The following DGKQ variants were observed in gnomAD, a reference collection of about 807,000 sequenced individuals.
DGKQ encodes diacylglycerol kinase theta, also known as DAG kinase theta.
DGKQ carries 97 observed loss-of-function variants against 104.2 expected under a neutral mutation model. That is an observed-to-expected ratio of 0.93 (90% CI 0.79 to 1.10). The LOEUF is 1.10. Ranked by LOEUF, DGKQ falls within the 50% of genes least tolerant of loss-of-function variation. The pLI is 0.00. For missense variants in DGKQ, 1,465 were observed against 1,352.1 expected (o/e 1.08, Z -1.31); for synonymous variants, 736 against 595.2 (o/e 1.24, Z -3.44).
In DGKQ at chr4:966,994, C is replaced by A; in HGVS notation, c.1281G>T (p.Val427=). 1 of 1,566,374 alleles carries A rather than the reference C, an allele frequency of 6.4e-7. No individual in the cohort carries two copies. The highest frequency in any genetic ancestry group is 8.6e-7 in the Non-Finnish European group (1 of 1,158,156). The change falls in exon 10 of 23, where the codon GTG becomes GTT. Residue 427 remains valine (V), a synonymous_variant. Transcript: ENST00000273814. ...GGCCGAGCAGCGGCAGGACCTCCAG[C>A]ACCACAGAGCGGGCCGTGCTCTTCG... ...VTPKSTARSV[V]LEVLPLLGRQ...
At chr4:967,703 TGGG>T (rs1560517609) in intron 7 of DGKQ, 22 bp downstream of exon 7, 1 of 1,611,732 alleles carries the variant, frequency 6.2e-7, no homozygotes. Context: ...TCAGTGGAGT[TGGG>T]GGGAATGAGG....
intron 15 of DGKQ, 78 bp downstream of exon 15, chr4:965,098 C>T: frequency 9.2e-7 from 1 of 1,091,212 alleles, no homozygotes; most frequent in Non-Finnish European, 1.4e-6. Flanking sequence ...GGCTGTGGGG[C>T]CTGTGCACCT....
At chr4:960,824 C>T in intron 22 of DGKQ, 103 bp from the exon 23 acceptor site, 2 of 1,520,316 alleles carry the variant, frequency 1.3e-6, no homozygotes, top group Non-Finnish European at 1.8e-6. Context: ...GATGCCATCT[C>T]AGCCCCATTT....
In DGKQ at chr4:960,832, T is replaced by C. The variant is rs1711832219; in HGVS notation, c.2728-111A>G. ...GGCAGCTGATGCCATCTCAGCCCCA[T>C]TTCACGGAAGGGGAGGGACCTGTCT... On this transcript the variant is annotated intron_variant, in intron 22 of 22. Coordinates refer to ENST00000273814, the MANE Select transcript of DGKQ (RefSeq NM_001347.4). The C allele has an allele frequency of 2.3e-5, 34 of 1,505,624 alleles. No individual in the cohort carries two copies. The South Asian group carries it at 3.9e-4, about 17-fold the overall frequency. 93.3% of individuals were successfully genotyped at this position (1,505,624 alleles called of 1,614,324 possible).
chr4:963,329 G>A (rs1712034297), intron 15 of DGKQ, 39 bp from the exon 16 acceptor site: 1 of 1,567,032 alleles, frequency 6.4e-7, no homozygotes, highest in East Asian at 2.3e-5. Context: ...GGGACCCAAG[G>A]TGGGGTGTCC....
At chr4:961,314 C>T in intron 21 of DGKQ, 113 bp from the exon 22 acceptor site, 1 of 1,268,400 alleles carries the variant, frequency 7.9e-7, no homozygotes, top group African/African-American at 1.6e-5. Flanking sequence ...CCACCCTGGA[C>T]CTGGCCCTGG....
chr4:969,654 G>GGCTGGAGT (rs1422875679), intron 2 of DGKQ, among the ~76,000 whole-genome samples: 12 of 147,580 alleles, frequency 8.1e-5, no homozygotes, highest in Admixed American at 2.1e-4. Flanking sequence ...CTGTCGCCCA[G>GGCTGGAGT]GCTGGAGTGC....
intron 14 of DGKQ, 34 bp downstream of exon 14, chr4:965,457 G>A (rs770595911): frequency 6.2e-7 from 1 of 1,605,020 alleles, no homozygotes; most frequent in Non-Finnish European, 8.5e-7. Flanking sequence ...ACACCCCTGG[G>A]CCTCATGTGA....
chr4:962,824 C>G lies in DGKQ; in HGVS notation c.1983G>C (p.Arg661=). Residue 661 remains arginine, a synonymous_variant, in exon 17 of 23, where the codon CGG becomes CGC. Transcript: ENST00000273814. ...AAGGCTCCGGGCAGGCCAGTCGGTA[C>G]CGTGTCTCCTCCAGGGCGCCAAGCA... ...GWVLGALEET[R]YRLACPEPSV... is the part of the protein sequence containing the mutation. 6.2e-7 allele frequency: 1 copy of G among 1,606,548 alleles called. No individual in the cohort carries two copies.
chr4:968,753 C>T (rs1712680699), intron 3 of DGKQ, 58 bp downstream of exon 3: 2 of 1,512,714 alleles, frequency 1.3e-6, no homozygotes, highest in Admixed American at 3.8e-5. Flanking sequence ...GTGGGCTGGG[C>T]CACCCTGGGC....
In DGKQ at chr4:967,342, TG is replaced by T; in HGVS notation, c.1006del (p.His336ThrfsTer34). ...EEVLEAALRA[H>X]HIPEDPGHLE... ...GTGGCCAGGGTCCTCGGGGATGTGG[TG>T]GGCCCGCAGTGCGGCCTCCTGCAGG... On this transcript the variant is annotated frameshift_variant, in exon 9 of 23. Coordinates refer to ENST00000273814, the MANE Select transcript of DGKQ (RefSeq NM_001347.4). LOFTEE classifies it high-confidence loss of function. 6.8e-7 allele frequency: 1 copy of T among 1,477,042 alleles called. No homozygotes were observed. Among genetic ancestry groups the T allele is most frequent in the Non-Finnish European group, 9.0e-7 (1 of 1,114,154 alleles). 91.5% of individuals were successfully genotyped at this position (1,477,042 alleles called of 1,614,324 possible).
In DGKQ at chr4:962,491, C is replaced by CCAG; in HGVS notation, c.2155_2157dup (p.Leu719dup). The CCAG allele has an allele frequency of 6.2e-7, 1 of 1,608,588 alleles. No homozygotes were observed. Among genetic ancestry groups the CCAG allele is most frequent in the Non-Finnish European group, 8.5e-7 (1 of 1,179,708 alleles). On this transcript the variant is annotated inframe_insertion, in exon 18 of 23. Coordinates refer to ENST00000273814, the MANE Select transcript of DGKQ (RefSeq NM_001347.4). ...TCTGCACTGCCAGCCTCGTGGGCATCCAGCAGGATGGTCCAGCGGTCCATG... is the reference window on the plus strand; with the variant it reads ...TCTGCACTGCCAGCCTCGTGGGCATCCAGCAGCAGGATGGTCCAGCGGTCCATG...
At position 961,744 on chromosome 4, in the gene DGKQ, C is replaced by T. The variant is rs372556836; in HGVS notation, c.2406G>A (p.Glu802=). Residue 802 remains glutamate (E), a synonymous_variant, in exon 20 of 23, where the codon GAG becomes GAA. Coordinates refer to ENST00000273814, the MANE Select transcript of DGKQ (RefSeq NM_001347.4). ...SLHKQIRLQV[E]RQEVELPSIE... is the part of the protein sequence containing the mutation. ...TACTGGGCAGCTCCACCTCCTGCCGCTCCACCTGCAGCCGGATCTGCTTGT... is the reference window on the plus strand; with the variant it reads ...TACTGGGCAGCTCCACCTCCTGCCGTTCCACCTGCAGCCGGATCTGCTTGT... The T allele has an allele frequency of 8.1e-6, 13 of 1,612,786 alleles. No homozygotes were observed. Among genetic ancestry groups the T allele is most frequent in the Admixed American group, 1.7e-5 (1 of 59,994 alleles).
In DGKQ at chr4:967,261, C is replaced by A. The variant is rs774942894; in HGVS notation, c.1088G>T (p.Gly363Val). Reference protein sequence around the residue: ...SSQACDAWAGGKAGSAVISEE... With the variant: ...SSQACDAWAGVKAGSAVISEE... The stretch of plus-strand genomic sequence containing the variant: ...CGAGATCACAGCACTCCCAGCCTTG[C>A]CCCCAGCCCAGGCGTCACAGGCCTG... Residue 363 changes from glycine (G) to valine (V), a missense_variant, in exon 9 of 23, where the codon GGC becomes GTC. Transcript: ENST00000273814. 7.7e-6 allele frequency: 12 copies of A among 1,557,708 alleles called. No individual in the cohort carries two copies. The highest frequency in any genetic ancestry group is 3.5e-5 in the South Asian group (3 of 85,366).
Position 960,221 on chromosome 4 carries a change from A to C in DGKQ, c.*399T>G, listed in dbSNP as rs1711770261. 2 of 200,308 alleles carry C rather than the reference A, an allele frequency of 1.0e-5. No individual in the cohort carries two copies. Among genetic ancestry groups the C allele is most frequent in the East Asian group, 1.2e-4 (1 of 8,418 alleles). The allele number at this position is 200,308 out of a possible 1,614,324, so 12.4% of individuals were successfully genotyped here. On this transcript the variant is annotated 3_prime_UTR_variant, in exon 23 of 23. Coordinates refer to ENST00000273814, the MANE Select transcript of DGKQ (RefSeq NM_001347.4). ...CCAGGGGGACGGCCCGAGGGGCACA[A>C]AGTGAGATCAGACCCACCTGGACGG...
In DGKQ at chr4:965,025, A is replaced by T. The variant is rs1712191901; in HGVS notation, c.1734+151T>A. 6 of 639,086 alleles carry T rather than the reference A, an allele frequency of 9.4e-6. No homozygotes were observed. In the Middle Eastern group the frequency reaches 8.9e-4, roughly 95 times the overall value. The allele number at this position is 639,086 out of a possible 1,614,324, so 39.6% of individuals were successfully genotyped here. On this transcript the variant is annotated intron_variant, in intron 15 of 22. Transcript: ENST00000273814. ...TTCCTGCTGTTGTGAGGCACAAACAAGGTGGCACCTACAAGCCCCCAGTGA... is the reference window on the plus strand; with the variant it reads ...TTCCTGCTGTTGTGAGGCACAAACATGGTGGCACCTACAAGCCCCCAGTGA...
At chr4:962,322 T>TGATG in intron 18 of DGKQ, 113 bp downstream of exon 18, 3 of 1,117,452 alleles carry the variant, frequency 2.7e-6, no homozygotes, top group South Asian at 1.5e-5. Flanking sequence ...GCAGAGGGGA[T>TGATG]GATGCGGGCG....
rs1711982454 is a variant in DGKQ, at chr4:962,708, G to A, written c.2035+64C>T. The A allele has an allele frequency of 4.4e-6, 7 of 1,590,120 alleles. No individual in the cohort carries two copies. In the South Asian group the frequency reaches 5.7e-5, roughly 13 times the overall value. On this transcript the variant is annotated intron_variant, in intron 17 of 22. Transcript: ENST00000273814. Reference sequence around the variant, plus strand: ...ACGAGGACAGCCAGCCCAGGCCTCGGCAAAAGCTGCACAGGAAGGGGTAGA... The same window carrying A: ...ACGAGGACAGCCAGCCCAGGCCTCGACAAAAGCTGCACAGGAAGGGGTAGA...
At position 967,405 on chromosome 4, in the gene DGKQ, G is replaced by A. The variant is rs543826531; in HGVS notation, c.988-44C>T. 1.5e-4 allele frequency: 208 copies of A among 1,409,930 alleles called. No individual in the cohort carries two copies. In the African/African-American group the frequency reaches 2.8e-3, roughly 19 times the overall value. 87.3% of individuals were successfully genotyped at this position (1,409,930 alleles called of 1,614,324 possible). A position where few individuals can be genotyped will look rare whatever the true frequency, so the allele number is the denominator to read the frequency against. ...GAGGGGCCAAGTTGTGGGGGGTCAG[G>A]CGGGGTTCAGTGGGGGGCAGGTCAT... On this transcript the variant is annotated intron_variant, in intron 8 of 22. Transcript: ENST00000273814.
Sources: allele counts gnomAD v4.1 joint callset (sites outside exome capture counted in the v4.1 genomes callset), GRCh38; gene constraint gnomAD v4.1.1; transcripts MANE v1.5; gene names NCBI Gene and HGNC (gene_info 2026-07-23, HGNC 2026-07-21).